Variants in PLCB1 observed in about 807,000 individuals in gnomAD.
PLCB1 encodes the protein 1-phosphatidylinositol 4,5-bisphosphate phosphodiesterase beta-1.
Under a neutral mutation model 161.8 loss-of-function variants are expected in PLCB1, and 46 were observed. That is an observed-to-expected ratio of 0.28 (90% CI 0.22 to 0.36). The LOEUF is 0.36. Ranked by LOEUF, PLCB1 falls within the 10% of genes least tolerant of loss-of-function variation. The probability of loss-of-function intolerance (pLI) is 1.00; values close to 1 mark genes in which losing one functional copy is unlikely to be tolerated. For missense variants in PLCB1, 1,016 were observed against 1,472.5 expected (o/e 0.69, Z 5.07); for synonymous variants, 517 against 503.7 (o/e 1.03, Z -0.35).
chr20:8,315,063 G>C (rs1382175512), intron 2 of PLCB1, among the ~76,000 whole-genome samples: 1 of 152,124 alleles, frequency 6.6e-6, no homozygotes, highest in Non-Finnish European at 1.5e-5. Flanking sequence ...GATATAAAGT[G>C]GGGGAGAGCA....
chr20:8,385,858 A>G (rs1319267489), intron 3 of PLCB1, among the ~76,000 whole-genome samples: 2 of 152,206 alleles, frequency 1.3e-5, no homozygotes, highest in Admixed American at 6.5e-5. Context: ...AGTTCCGATG[A>G]GAGAACCTGG....
chr20:8,180,967 G>A (rs374841503), intron 2 of PLCB1, among the ~76,000 whole-genome samples: 3 of 143,236 alleles, frequency 2.1e-5, no homozygotes, highest in Admixed American at 7.0e-5. Context: ...GTGTGTGTGT[G>A]TGTATGTATG....
intron 3 of PLCB1, among the ~76,000 whole-genome samples, chr20:8,392,766 A>G (rs1311959059): frequency 6.6e-6 from 1 of 152,168 alleles, no homozygotes; most frequent in Non-Finnish European, 1.5e-5. Flanking sequence ...TCTTCTTTGA[A>G]TGGGAAATGG....
chr20:8,216,182 T>G (rs1294764666), intron 2 of PLCB1, among the ~76,000 whole-genome samples: 1 of 152,098 alleles, frequency 6.6e-6, no homozygotes, highest in Non-Finnish European at 1.5e-5. Flanking sequence ...TGGCAAAGTT[T>G]TATGTAAACT....
intron 10 of PLCB1, among the ~76,000 whole-genome samples, chr20:8,685,280 C>T (rs1990332888): frequency 6.6e-6 from 1 of 150,818 alleles, no homozygotes; most frequent in Non-Finnish European, 1.5e-5. Context: ...AGCATCATTT[C>T]TCCACAGCCT....
chr20:8,623,314 A>T (rs1432132248), intron 3 of PLCB1, among the ~76,000 whole-genome samples: 1 of 151,994 alleles, frequency 6.6e-6, no homozygotes, highest in Non-Finnish European at 1.5e-5. Flanking sequence ...TGTTTCTTCT[A>T]ATTTTTTTTT....
intron 2 of PLCB1, among the ~76,000 whole-genome samples, chr20:8,292,527 C>A (rs1266230133): frequency 6.6e-6 from 1 of 152,066 alleles, no homozygotes; most frequent in Non-Finnish European, 1.5e-5. Context: ...CTGTACCTAA[C>A]CTTATAGGTT....
chr20:8,144,636 T>C (rs6055568), intron 1 of PLCB1, among the ~76,000 whole-genome samples: 2 of 152,002 alleles, frequency 1.3e-5, no homozygotes, highest in East Asian at 1.9e-4. Flanking sequence ...ACGTTTATAA[T>C]GTTTTCATTT....
intron 3 of PLCB1, among the ~76,000 whole-genome samples, chr20:8,574,980 A>G (rs993496103): frequency 1.3e-5 from 2 of 152,230 alleles, no homozygotes; most frequent in African/African-American, 4.8e-5. Context: ...GGAAGGGACA[A>G]TAGTCGTTAA....
At chr20:8,433,075 A>C (rs1980128092) in intron 3 of PLCB1, among the ~76,000 whole-genome samples, 1 of 152,248 alleles carries the variant, frequency 6.6e-6, no homozygotes. Flanking sequence ...AGTTCTAATT[A>C]GACCAGGAAG....
intron 4 of PLCB1, among the ~76,000 whole-genome samples, chr20:8,629,968 T>TTCTTTC (rs762155903): frequency 8.3e-5 from 1 of 12,090 alleles, no homozygotes; most frequent in Non-Finnish European, 1.8e-4. Context: ...TCTTTCTTCT[T>TTCTTTC]TCTTTCTTTC....
At chr20:8,768,690 A>G (rs1407821155) in intron 26 of PLCB1, among the ~76,000 whole-genome samples, 2 of 152,212 alleles carry the variant, frequency 1.3e-5, no homozygotes, top group Admixed American at 6.5e-5. Context: ...CATGCAACAC[A>G]CAAGGCCATA....
intron 2 of PLCB1, among the ~76,000 whole-genome samples, chr20:8,218,466 C>T (rs941675973): frequency 1.3e-5 from 2 of 152,150 alleles, no homozygotes; most frequent in Admixed American, 6.6e-5. Flanking sequence ...CAAATTTCAG[C>T]TTCCACCGCT....
In PLCB1 at chr20:8,587,507, A is replaced by G. The variant is rs181339554; in HGVS notation, c.247-40787A>G. On this transcript the variant is annotated intron_variant, in intron 3 of 31. Coordinates refer to ENST00000338037, the MANE Select transcript of PLCB1 (RefSeq NM_015192.4). The stretch of plus-strand genomic sequence containing the variant: ...TCATTCCAAAGAGTGAAAGAAAAAC[A>G]GGAAAGCAGATGCGAGAGCAAAACC... Among the ~76,000 whole-genome samples the G allele has an allele frequency of 2.6e-3, 391 of 152,328 alleles. 5 individuals are homozygous for G. The highest frequency in any genetic ancestry group is 1.8e-3 in the Non-Finnish European group (122 of 68,022).
At chr20:8,645,329 C>T (rs1401881796) in intron 4 of PLCB1, among the ~76,000 whole-genome samples, 1 of 151,570 alleles carries the variant, frequency 6.6e-6, no homozygotes, top group Non-Finnish European at 1.5e-5. Flanking sequence ...AAAATAAAGA[C>T]ATTATTTCAT....
chr20:8,644,703 T>G (rs1319464847), intron 4 of PLCB1, among the ~76,000 whole-genome samples: 3 of 144,696 alleles, frequency 2.1e-5, no homozygotes, highest in Admixed American at 6.8e-5. Context: ...GGGAGGGAGG[T>G]GGGGGGGTCA....
At chr20:8,777,063 A>C (rs1347742738) in intron 27 of PLCB1, among the ~76,000 whole-genome samples, 4 of 152,274 alleles carry the variant, frequency 2.6e-5, no homozygotes, top group South Asian at 2.1e-4. Context: ...TGGGCTGGAA[A>C]TGGGCCTGAG....
intron 2 of PLCB1, among the ~76,000 whole-genome samples, chr20:8,191,447 G>C (rs968596159): frequency 7.3e-5 from 11 of 151,668 alleles, no homozygotes; most frequent in African/African-American, 2.7e-4. Context: ...CCATTTCACG[G>C]TAAGTTGCAG....
intron 2 of PLCB1, among the ~76,000 whole-genome samples, chr20:8,238,720 C>A (rs1179246616): frequency 1.3e-5 from 2 of 151,492 alleles, no homozygotes; most frequent in East Asian, 3.9e-4. Flanking sequence ...GGAAAGGGGG[C>A]AAAATTGCGG....
Sources: allele counts gnomAD v4.1 joint callset (sites outside exome capture counted in the v4.1 genomes callset), GRCh38; gene constraint gnomAD v4.1.1; transcripts MANE v1.5; gene names NCBI Gene and HGNC (gene_info 2026-07-23, HGNC 2026-07-21).